Variants in ABHD12B observed in about 807,000 individuals in gnomAD.
ABHD12B encodes the protein abhydrolase domain containing 12B.
ABHD12B carries 42 observed loss-of-function variants against 50.4 expected under a neutral mutation model. That is an observed-to-expected ratio of 0.83 (90% CI 0.65 to 1.08). The LOEUF is 1.08. Ranked by LOEUF, ABHD12B falls within the 50% of genes least tolerant of loss-of-function variation. The pLI, the probability that ABHD12B is intolerant of heterozygous loss-of-function variation, is 0.00. For missense variants in ABHD12B, 479 were observed against 447.7 expected (o/e 1.07, Z -0.63); for synonymous variants, 167 against 160.3 (o/e 1.04, Z -0.32).
At position 50,904,771 on chromosome 14, in the gene ABHD12B, C is replaced by T. The variant is rs757064972; in HGVS notation, c.*405C>T. 7 of 277,526 alleles carry T rather than the reference C, an allele frequency of 2.5e-5. No individual in the cohort carries two copies. The highest frequency in any genetic ancestry group is 4.9e-5 in the Non-Finnish European group (7 of 143,732). 17.2% of individuals were successfully genotyped at this position (277,526 alleles called of 1,614,324 possible). On this transcript the variant is annotated 3_prime_UTR_variant, in exon 13 of 13. Transcript: ENST00000337334. ...TGGTAATAGGAGGTGGGACTGAGCT[C>T]TGATGAATGAGATTAGTGCCCTTAT...
chr14:50,894,075 C>A (rs549016649), intron 9 of ABHD12B, among the ~76,000 whole-genome samples: 3 of 152,298 alleles, frequency 2.0e-5, no homozygotes, highest in East Asian at 1.9e-4. Context: ...GCAAGTCCCG[C>A]TTTTCTGGGG....
At chr14:50,881,749 T>C (rs1365891212) in intron 5 of ABHD12B, 123 bp downstream of exon 5, 2 of 1,177,688 alleles carry the variant, frequency 1.7e-6, no homozygotes, top group African/African-American at 3.1e-5. Flanking sequence ...TCAGGGTGGG[T>C]TGTGGTGTCT....
rs752727348 is a variant in ABHD12B, at chr14:50,878,797, C to T, written c.285C>T (p.His95=). The change falls in exon 3 of 13, where the codon CAC becomes CAT. Residue 95 remains histidine, a synonymous_variant. Coordinates refer to ENST00000337334, the MANE Select transcript of ABHD12B (RefSeq NM_001206673.2). ...AGAAACCAGAGTTAAAGATTCCTCA[C>T]ACAGTGAACTTCTACCTGAGAGTTG... ...DLKKPELKIP[H]TVNFYLRVEP... 1 of 1,614,016 alleles carries T rather than the reference C, an allele frequency of 6.2e-7. No homozygotes were observed. The highest frequency in any genetic ancestry group is 2.2e-5 in the East Asian group (1 of 44,890).
chr14:50,896,034 C>T (rs375856936), intron 9 of ABHD12B, among the ~76,000 whole-genome samples: 19 of 152,128 alleles, frequency 1.2e-4, no homozygotes, highest in East Asian at 9.7e-4. Context: ...GCCTCCTTTG[C>T]GTCCTCCTCT....
intron 5 of ABHD12B, among the ~76,000 whole-genome samples, chr14:50,882,989 A>AAAAAAG (rs2049980068): frequency 2.7e-5 from 4 of 150,356 alleles, no homozygotes; most frequent in Non-Finnish European, 3.0e-5. Flanking sequence ...AAAAAAAAAA[A>AAAAAAG]GTCATTGAAA....
At chr14:50,877,217 T>C (rs556849566) in intron 1 of ABHD12B, among the ~76,000 whole-genome samples, 1 of 152,338 alleles carries the variant, frequency 6.6e-6, no homozygotes, top group East Asian at 1.9e-4. Context: ...GGCTCATTTC[T>C]TCCTAAGATA....
chr14:50,884,702 C>CTTTTTTTT (rs35439744), intron 5 of ABHD12B, among the ~76,000 whole-genome samples: 1 of 126,594 alleles, frequency 7.9e-6, no homozygotes, highest in African/African-American at 3.0e-5. Context: ...TGTATTTCTT[C>CTTTTTTTT]TTTTTTTTTT....
intron 9 of ABHD12B, among the ~76,000 whole-genome samples, chr14:50,890,876 A>AT (rs2050108198): frequency 6.6e-6 from 1 of 152,192 alleles, no homozygotes; most frequent in Non-Finnish European, 1.5e-5. Flanking sequence ...AGCTTTAATC[A>AT]TTACAGTGCA....
intron 9 of ABHD12B, among the ~76,000 whole-genome samples, chr14:50,894,330 T>G (rs907644670): frequency 2.0e-5 from 3 of 151,864 alleles, no homozygotes; most frequent in Non-Finnish European, 2.9e-5. Context: ...CTCTGTGCCC[T>G]AATCCCTTAT....
chr14:50,880,397 G>T, intron 3 of ABHD12B, 55 bp from the exon 4 acceptor site: 1 of 1,503,066 alleles, frequency 6.7e-7, no homozygotes, highest in South Asian at 1.4e-5. Context: ...TCGGCCTTTG[G>T]AAAGGATGGA....
intron 9 of ABHD12B, among the ~76,000 whole-genome samples, chr14:50,894,199 G>A (rs373826144): frequency 2.2e-5 from 3 of 139,316 alleles, no homozygotes; most frequent in Admixed American, 6.8e-5. Flanking sequence ...GGCAAGTCCC[G>A]CTTTCCTGGG....
rs2049887183 is a variant in ABHD12B at position 50,878,067 on chromosome 14, T to C, written c.220T>C (p.Tyr74His). ...VFLPLIDMLI[Y>H]FNFFKAPFLV... ...CCTTCCTCTGATAGACATGCTAATT[T>C]ATTTTAATTTTTGTAAGTATGGACC... is the stretch of plus-strand genomic sequence containing the variant. The change falls in exon 2 of 13, where the codon TAT (tyrosine) becomes CAT (histidine). Residue 74 changes from tyrosine to histidine, a missense_variant. Tyr to His is a moderately conservative substitution (Grantham distance 83). Transcript: ENST00000337334. The C allele has an allele frequency of 3.9e-6, 6 of 1,527,180 alleles. No individual in the cohort carries two copies. Among genetic ancestry groups the C allele is most frequent in the Non-Finnish European group, 5.2e-6 (6 of 1,144,024 alleles). The allele number at this position is 1,527,180 out of a possible 1,614,324, so 94.6% of individuals were successfully genotyped here. A position where few individuals can be genotyped will look rare whatever the true frequency, so the allele number is the denominator to read the frequency against.
At chr14:50,903,533 C>A in intron 11 of ABHD12B, 66 bp downstream of exon 11, 1 of 1,396,380 alleles carries the variant, frequency 7.2e-7, no homozygotes, top group Non-Finnish European at 1.0e-6. Flanking sequence ...TTCATTCAGC[C>A]AAACTTTGAT....
At chr14:50,901,555 G>A (rs1184002617) in intron 9 of ABHD12B, among the ~76,000 whole-genome samples, 2 of 152,262 alleles carry the variant, frequency 1.3e-5, no homozygotes, top group Non-Finnish European at 2.9e-5. Flanking sequence ...AGAAGTAAGA[G>A]TTAGTTGTGC....
At chr14:50,884,661 C>T (rs900872778) in intron 5 of ABHD12B, among the ~76,000 whole-genome samples, 4 of 150,394 alleles carry the variant, frequency 2.7e-5, no homozygotes, top group Non-Finnish European at 5.9e-5. Context: ...AAATTTTGTC[C>T]TTTTTTATCT....
rs745736736 is a variant in ABHD12B at position 50,885,770 on chromosome 14, T to TG, written c.541dup (p.Asp181GlyfsTer5). 44 of 1,614,054 alleles carry TG rather than the reference T, an allele frequency of 2.7e-5. No homozygotes were observed. In the South Asian group the frequency reaches 4.6e-4, roughly 17 times the overall value. ...TTTGCCTTTTCTTGCTGCCAGGATTTGGGGACTCTACAGGTAAGCCCACAG... is the reference window on the plus strand; with the variant it reads ...TTTGCCTTTTCTTGCTGCCAGGATTTGGGGGACTCTACAGGTAAGCCCACAG... On this transcript the variant is annotated frameshift_variant, in exon 7 of 13. Transcript: ENST00000337334.
chr14:50,883,431 G>A (rs563644273), intron 5 of ABHD12B, among the ~76,000 whole-genome samples: 1 of 152,292 alleles, frequency 6.6e-6, no homozygotes, highest in East Asian at 1.9e-4. Context: ...CCTTCTCAGA[G>A]CCAATGCTTG....
intron 9 of ABHD12B, chr14:50,892,995 T>C (rs1219716509): frequency 1.3e-5 from 2 of 152,258 alleles, no homozygotes; most frequent in African/African-American, 4.8e-5. Context: ...AAGAATATAC[T>C]GTGTATGATT....
At position 50,880,491 on chromosome 14, in the gene ABHD12B, G is replaced by A; in HGVS notation, c.375G>A (p.Gly125=). 6.2e-7 allele frequency: 1 copy of A among 1,611,650 alleles called. No individual in the cohort carries two copies. Among genetic ancestry groups the A allele is most frequent in the Non-Finnish European group, 8.5e-7 (1 of 1,178,810 alleles). ...VPSCRGEDAK[G]KDCCWYEAAL... Reference sequence around the variant, plus strand: ...GCTGCCGGGGGGAAGATGCCAAGGGGAAGGACTGTTGCTGGTATGAAGCAG... The same window carrying A: ...GCTGCCGGGGGGAAGATGCCAAGGGAAAGGACTGTTGCTGGTATGAAGCAG... The change falls in exon 4 of 13, where the codon GGG becomes GGA. Residue 125 remains glycine, a synonymous_variant. Transcript: ENST00000337334.
Sources: gnomAD v4.1 joint callset for allele counts (sites outside exome capture counted in the v4.1 genomes callset) on GRCh38, gnomAD v4.1.1 for gene constraint, MANE v1.5 for transcripts, NCBI Gene and HGNC (gene_info 2026-07-23, HGNC 2026-07-21) for gene names.